Variants in ZC3H11A observed in about 807,000 individuals in gnomAD.
ZC3H11A encodes the protein zinc finger CCCH-type containing 11A.
In ZC3H11A, 22 loss-of-function variants were observed where a neutral mutation model predicts 90.8. The ratio of observed to expected loss-of-function variants is 0.24; its 90% CI spans 0.17 to 0.35. The LOEUF is 0.35. ZC3H11A is among the 10% of genes least tolerant of loss of function. The pLI is 1.00. For synonymous variants in ZC3H11A, 294 were observed against 339.8 expected, an observed-to-expected ratio of 0.87 and a Z score of 1.48; for missense variants, 701 against 964.9, an observed-to-expected ratio of 0.73 and a Z score of 3.62.
intron 10 of ZC3H11A, among the ~76,000 whole-genome samples, chr1:203,837,084 C>T (rs928147750): frequency 6.6e-6 from 1 of 151,912 alleles, no homozygotes; most frequent in Non-Finnish European, 1.5e-5. Flanking sequence ...CACCTGAGCT[C>T]AGGAGTTCAA....
In ZC3H11A at chr1:203,802,291, A is replaced by G. The variant is rs1235220633; in HGVS notation, c.-871A>G. 6.6e-6 allele frequency: 1 copy of G among 152,618 alleles called. No homozygotes were observed. The highest frequency in any genetic ancestry group is 1.5e-5 in the Non-Finnish European group (1 of 68,032). The allele number at this position is 152,618 out of a possible 1,614,324, so 9.5% of individuals were successfully genotyped here. A position where few individuals can be genotyped will look rare whatever the true frequency, so the allele number is the denominator to read the frequency against. On this transcript the variant is annotated 5_prime_UTR_variant, in exon 2 of 18. It removes the in-frame stop codon of an upstream open reading frame in the 5' UTR. Transcript: ENST00000367210. ...TTATTTTGTGGGCTGGGCAAAATTTAGTGTAACAATAACTTCATGATACTT... is the reference window on the plus strand; with the variant it reads ...TTATTTTGTGGGCTGGGCAAAATTTGGTGTAACAATAACTTCATGATACTT...
At chr1:203,850,887 G>A (rs554233477) in intron 16 of ZC3H11A, among the ~76,000 whole-genome samples, 170 bp from the exon 17 acceptor site, 1 of 152,126 alleles carries the variant, frequency 6.6e-6, no homozygotes, top group Non-Finnish European at 1.5e-5. Context: ...TAATTTTTAG[G>A]TGGCAAGATA....
At chr1:203,807,643 C>T (rs931171472) in intron 2 of ZC3H11A, among the ~76,000 whole-genome samples, 17 of 152,120 alleles carry the variant, frequency 1.1e-4, no homozygotes, top group African/African-American at 3.9e-4. Flanking sequence ...CCTTCCAGCT[C>T]AGCCTCCCAA....
chr1:203,851,123 A>G lies in ZC3H11A; in HGVS notation c.2173A>G (p.Ser725Gly). ...TVPEAENPRD[S>G]LVLPPTQSSS... is the part of the protein sequence containing the mutation. ...GCCTGAAGCAGAAAATCCTAGAGAC[A>G]GGTAATACTTTGTAATTCTTTCTAA... The change falls in exon 17 of 18, where the codon AGT becomes GGT. Residue 725 changes from serine (S) to glycine (G), a missense_variant and splice_region_variant. Coordinates refer to ENST00000367210, the MANE Select transcript of ZC3H11A (RefSeq NM_001376342.1). The G allele has an allele frequency of 6.2e-7, 1 of 1,614,130 alleles. No homozygotes were observed. Among genetic ancestry groups the G allele is most frequent in the East Asian group, 2.2e-5 (1 of 44,878 alleles).
In ZC3H11A at chr1:203,818,672, C is replaced by T. The variant is rs755963368; in HGVS notation, c.157C>T (p.Arg53Trp). 5.0e-6 allele frequency: 8 copies of T among 1,613,910 alleles called. No individual in the cohort carries two copies. The highest frequency in any genetic ancestry group is 1.6e-4 in the Middle Eastern group (1 of 6,084). The part of the protein sequence containing the change: ...GRCFRQVCRF[R>W]HMEIDKKRSE... ...CTGTTTTCGACAGGTGTGCAGGTTTCGGCACATGGAGATTGATGTAAGTTT... is the reference window on the plus strand; with the variant it reads ...CTGTTTTCGACAGGTGTGCAGGTTTTGGCACATGGAGATTGATGTAAGTTT... Residue 53 changes from arginine (R) to tryptophan (W), a missense_variant, in exon 4 of 18, where the codon CGG becomes TGG. Arg to Trp is a moderately radical substitution (Grantham distance 101). Transcript: ENST00000367210.
At chr1:203,803,617 G>T (rs559713167) in intron 2 of ZC3H11A, among the ~76,000 whole-genome samples, 1 of 151,970 alleles carries the variant, frequency 6.6e-6, no homozygotes, top group Non-Finnish European at 1.5e-5. Context: ...ATTTTGTTTC[G>T]TTTTGAAACA....
At chr1:203,828,805 G>A (rs955221952) in intron 5 of ZC3H11A, among the ~76,000 whole-genome samples, 4 of 152,230 alleles carry the variant, frequency 2.6e-5, no homozygotes, top group South Asian at 2.1e-4. Context: ...TATCAGTTTT[G>A]TGCTAGTGCT....
rs1219669501 is a variant in ZC3H11A, at chr1:203,840,331, G to A, written c.999G>A (p.Glu333=). 1 of 1,612,928 alleles carries A rather than the reference G, an allele frequency of 6.2e-7. No homozygotes were observed. The highest frequency in any genetic ancestry group is 2.2e-5 in the East Asian group (1 of 44,850). Residue 333 remains glutamate, a synonymous_variant, in exon 12 of 18, where the codon GAG becomes GAA. Transcript: ENST00000367210. ...KKAQVSKSLK[E]RLGMSADPDN... The stretch of plus-strand genomic sequence containing the variant: ...CTCAAGTTTCCAAGTCTCTTAAGGA[G>A]CGATTAGGCATGTCAGCTGATCCAG...
chr1:203,813,619 G>A (rs971566592), intron 2 of ZC3H11A, among the ~76,000 whole-genome samples: 1 of 152,054 alleles, frequency 6.6e-6, no homozygotes, highest in Non-Finnish European at 1.5e-5. Context: ...TCACAAACTG[G>A]GTAGCTACAG....
chr1:203,840,544 A>G (rs1022372260), intron 12 of ZC3H11A, among the ~76,000 whole-genome samples, 170 bp downstream of exon 12: 2 of 152,060 alleles, frequency 1.3e-5, no homozygotes, highest in African/African-American at 2.4e-5. Context: ...ACTGGGATCA[A>G]TTCCTTTTTT....
rs1428274331 is a variant in ZC3H11A at position 203,849,869 on chromosome 1, G to T, written c.1782G>T (p.Glu594Asp). Residue 594 changes from glutamate (E) to aspartate (D), a missense_variant, in exon 15 of 18, where the codon GAG (glutamate) becomes GAT (aspartate). Coordinates refer to ENST00000367210, the MANE Select transcript of ZC3H11A (RefSeq NM_001376342.1). The part of the protein sequence containing the change: ...DVASCNTQVA[E>D]KPVLTAVPGI... Reference sequence around the variant, plus strand: ...CCTCTTGCAATACCCAAGTGGCAGAGAAACCAGTGCTCACTGCTGTGCCAG... The same window carrying T: ...CCTCTTGCAATACCCAAGTGGCAGATAAACCAGTGCTCACTGCTGTGCCAG... 6.2e-7 allele frequency: 1 copy of T among 1,614,112 alleles called. No individual in the cohort carries two copies. Among genetic ancestry groups the T allele is most frequent in the Non-Finnish European group, 8.5e-7 (1 of 1,180,022 alleles).
intron 4 of ZC3H11A, among the ~76,000 whole-genome samples, chr1:203,821,690 A>G (rs1678749698): frequency 1.3e-5 from 2 of 152,204 alleles, no homozygotes; most frequent in South Asian, 4.1e-4. Context: ...AGGTCCTCTC[A>G]GTGGACAGAG....
chr1:203,846,160 TGGG>T (rs35704322), intron 12 of ZC3H11A, among the ~76,000 whole-genome samples: 1 of 131,966 alleles, frequency 7.6e-6, no homozygotes, highest in African/African-American at 2.7e-5. Context: ...ATAATTTTTT[TGGG>T]GGGGGGGTTC....
intron 11 of ZC3H11A, 117 bp from the exon 12 acceptor site, chr1:203,840,189 T>A: frequency 1.1e-6 from 1 of 937,894 alleles, no homozygotes; most frequent in Non-Finnish European, 1.6e-6. Flanking sequence ...TCAGCCTGCC[T>A]TGGCCTCCCA....
At chr1:203,824,226 C>A (rs927837874) in intron 4 of ZC3H11A, among the ~76,000 whole-genome samples, 1 of 150,652 alleles carries the variant, frequency 6.6e-6, no homozygotes, top group Non-Finnish European at 1.5e-5. Flanking sequence ...CGAGATTACA[C>A]CACTGTACTC....
intron 2 of ZC3H11A, among the ~76,000 whole-genome samples, chr1:203,814,583 A>G (rs1675625021): frequency 6.6e-6 from 1 of 152,088 alleles, no homozygotes; most frequent in Non-Finnish European, 1.5e-5. Context: ...CTAATTTCTG[A>G]CTGAAACCTC....
chr1:203,829,356 C>A (rs1326697386), intron 5 of ZC3H11A, 95 bp from the exon 6 acceptor site: 2 of 1,263,220 alleles, frequency 1.6e-6, no homozygotes, highest in Non-Finnish European at 1.1e-6. Flanking sequence ...GCTCATAAGA[C>A]AAATACACTA....
At chr1:203,837,743 G>C (rs2103164318) in intron 10 of ZC3H11A, among the ~76,000 whole-genome samples, 1 of 152,222 alleles carries the variant, frequency 6.6e-6, no homozygotes, top group Middle Eastern at 3.4e-3. Flanking sequence ...CTCCCAAAGT[G>C]CTGAGATTAC....
At chr1:203,804,225 C>T (rs558009060) in intron 2 of ZC3H11A, among the ~76,000 whole-genome samples, 106 of 146,226 alleles carry the variant, frequency 7.2e-4, no homozygotes, top group Admixed American at 1.4e-3. Context: ...GATCTCGATT[C>T]ACTGCAAACT....
Sources: allele counts gnomAD v4.1 joint callset (sites outside exome capture counted in the v4.1 genomes callset), GRCh38; gene constraint gnomAD v4.1.1; transcripts MANE v1.5; gene names NCBI Gene and HGNC (gene_info 2026-07-23, HGNC 2026-07-21).